The following CNBD1 variants were observed in gnomAD, a reference collection of about 807,000 sequenced individuals.
CNBD1 encodes the protein cyclic nucleotide-binding domain-containing protein 1.
A neutral mutation model predicts 54.4 loss-of-function variants in CNBD1; 71 were observed. The ratio of observed to expected loss-of-function variants is 1.30; its 90% confidence interval spans 1.08 to 1.59. The LOEUF (loss-of-function observed/expected upper bound fraction) is 1.59, where lower values mean the gene tolerates loss of function less well. Among genes scored for constraint, CNBD1 ranks in the 40% most tolerant of loss-of-function variants. CNBD1 has a pLI of 0.00. For synonymous variants in CNBD1, 182 were observed against 170.7 expected, an observed-to-expected ratio of 1.07 and a Z score of -0.51; for missense variants, 659 against 518.0, an observed-to-expected ratio of 1.27 and a Z score of -2.64.
At chr8:86,998,914 C>T (rs548563895) in intron 4 of CNBD1, among the ~76,000 whole-genome samples, 1 of 152,246 alleles carries the variant, frequency 6.6e-6, no homozygotes, top group African/African-American at 2.4e-5. Context: ...CTCTGTGTAA[C>T]TGTGTTTTAT....
At chr8:87,279,367 G>C (rs573629879) in intron 6 of CNBD1, among the ~76,000 whole-genome samples, 11 of 151,470 alleles carry the variant, frequency 7.3e-5, no homozygotes, top group African/African-American at 2.7e-4. Flanking sequence ...CAAAGAAATA[G>C]AAAAATAGCA....
chr8:86,920,629 G>A (rs1295000600), intron 3 of CNBD1, among the ~76,000 whole-genome samples: 1 of 152,132 alleles, frequency 6.6e-6, no homozygotes, highest in Non-Finnish European at 1.5e-5. Flanking sequence ...GAAGTCTGTT[G>A]GGAATGTTTC....
chr8:87,359,133 A>G (rs2130934917), intron 10 of CNBD1, among the ~76,000 whole-genome samples: 1 of 152,284 alleles, frequency 6.6e-6, no homozygotes, highest in South Asian at 2.1e-4. Flanking sequence ...TCTTTTAGTC[A>G]CTTAATAGAA....
intron 4 of CNBD1, among the ~76,000 whole-genome samples, chr8:86,989,738 A>T (rs145423620): frequency 3.4e-4 from 52 of 152,340 alleles, no homozygotes; most frequent in African/African-American, 1.2e-3. Flanking sequence ...GGCATGAGCC[A>T]CCATGCCTGG....
intron 4 of CNBD1, among the ~76,000 whole-genome samples, chr8:87,180,246 T>C (rs1813284439): frequency 6.6e-6 from 1 of 152,238 alleles, no homozygotes; most frequent in African/African-American, 2.4e-5. Context: ...CATTATATTT[T>C]AAGCATGAAT....
At chr8:87,246,068 C>T (rs529215954) in intron 6 of CNBD1, among the ~76,000 whole-genome samples, 6 of 152,012 alleles carry the variant, frequency 3.9e-5, no homozygotes, top group South Asian at 2.1e-4. Flanking sequence ...TGCCTTAAGC[C>T]GATTGTTTTC....
At chr8:86,977,794 A>G (rs551241572) in intron 4 of CNBD1, among the ~76,000 whole-genome samples, 12 of 152,240 alleles carry the variant, frequency 7.9e-5, no homozygotes, top group African/African-American at 2.6e-4. Context: ...TTCATGGCTG[A>G]ATTTTACCAA....
At chr8:87,338,879 G>C (rs114284088) in intron 8 of CNBD1, among the ~76,000 whole-genome samples, 1 of 152,044 alleles carries the variant, frequency 6.6e-6, no homozygotes, top group African/African-American at 2.4e-5. Context: ...TGGTTGTAAG[G>C]TGTGTGGGTG....
intron 2 of CNBD1, among the ~76,000 whole-genome samples, chr8:87,400,466 A>G (rs1807537057): frequency 6.6e-6 from 1 of 152,032 alleles, no homozygotes; most frequent in Admixed American, 6.6e-5. Context: ...AAATAAGAGC[A>G]GTATCTTAAG....
chr8:87,055,084 G>C (rs1810386036), intron 4 of CNBD1, among the ~76,000 whole-genome samples: 1 of 152,124 alleles, frequency 6.6e-6, no homozygotes, highest in Admixed American at 6.5e-5. Flanking sequence ...AACAGTATAG[G>C]GTCACTGATT....
At chr8:87,102,682 C>T (rs764683024) in intron 4 of CNBD1, among the ~76,000 whole-genome samples, 2 of 151,978 alleles carry the variant, frequency 1.3e-5, no homozygotes, top group Admixed American at 6.6e-5. Flanking sequence ...GGCGCGATTT[C>T]GGCTCACTGC....
intron 4 of CNBD1, among the ~76,000 whole-genome samples, chr8:86,967,031 T>C (rs35614204): frequency 2.0e-5 from 3 of 152,114 alleles, no homozygotes; most frequent in African/African-American, 7.2e-5. Flanking sequence ...AGAGCACTGA[T>C]TGGTGCATTT....
intron 4 of CNBD1, among the ~76,000 whole-genome samples, chr8:86,954,882 G>A (rs953119880): frequency 1.3e-5 from 2 of 151,972 alleles, no homozygotes; most frequent in East Asian, 1.9e-4. Flanking sequence ...TGTGCACAAC[G>A]TGCAGGTTTG....
At chr8:87,275,498 A>G (rs35391604) in intron 6 of CNBD1, among the ~76,000 whole-genome samples, 1 of 150,146 alleles carries the variant, frequency 6.7e-6, no homozygotes, top group East Asian at 2.0e-4. Flanking sequence ...TAGATGCAGA[A>G]AAGGCCTTTG....
intron 8 of CNBD1, among the ~76,000 whole-genome samples, chr8:87,323,216 T>C (rs1477353347): frequency 3.1e-3 from 347 of 110,324 alleles, no homozygotes; most frequent in Non-Finnish European, 5.0e-3. Flanking sequence ...AGCCTTGTAG[T>C]ATAGTTTGAA....
intron 3 of CNBD1, among the ~76,000 whole-genome samples, chr8:86,928,947 C>G (rs1003461047): frequency 3.3e-5 from 5 of 152,258 alleles, no homozygotes; most frequent in Admixed American, 1.3e-4. Context: ...CATTAACCAC[C>G]CTGAGGGGAG....
rs181591262 is a variant in CNBD1 at position 87,397,237 on chromosome 8, A to G, written c.214-31309A>G. Among the ~76,000 whole-genome samples the G allele has an allele frequency of 1.4e-3, 210 of 151,984 alleles. 1 individual carries two copies. The highest frequency in any genetic ancestry group is 4.9e-3 in the African/African-American group (204 of 41,532). ...TTTACACTGGAATTAGGCAAGTGAT[A>G]ATAATATTTATACTATTAGGAGAAA... On this transcript the variant is annotated intron_variant, in intron 2 of 7. Coordinates refer to the CNBD1 transcript ENST00000521593.
At chr8:86,998,317 T>C (rs1678945243) in intron 4 of CNBD1, among the ~76,000 whole-genome samples, 1 of 152,084 alleles carries the variant, frequency 6.6e-6, no homozygotes, top group African/African-American at 2.4e-5. Flanking sequence ...ACTTTCTCCA[T>C]AAGGCACATC....
At chr8:86,997,803 G>A (rs1808908621) in intron 4 of CNBD1, among the ~76,000 whole-genome samples, 1 of 151,784 alleles carries the variant, frequency 6.6e-6, no homozygotes. Context: ...CAGACCCAGC[G>A]GGTGGCTGTT....
Sources: allele counts gnomAD v4.1 joint callset (sites outside exome capture counted in the v4.1 genomes callset), GRCh38; gene constraint gnomAD v4.1.1; transcripts MANE v1.5; gene names NCBI Gene and HGNC (gene_info 2026-07-23, HGNC 2026-07-21).